The following MAPKBP1 variants were observed in gnomAD, a reference collection of about 807,000 sequenced individuals.
MAPKBP1 encodes mitogen-activated protein kinase binding protein 1, also known as mitogen-activated protein kinase-binding protein 1.
In MAPKBP1, 71 loss-of-function variants were observed where a neutral mutation model predicts 170.5. That is an observed-to-expected ratio of 0.42 (90% CI 0.34 to 0.51). The LOEUF (loss-of-function observed/expected upper bound fraction) is 0.51. Among genes scored for constraint, MAPKBP1 ranks in the 20% least tolerant of loss-of-function variants. MAPKBP1 has a pLI of 0.06. For synonymous variants in MAPKBP1, 719 were observed against 757.9 expected, an observed-to-expected ratio of 0.95 and a Z score of 0.84; for missense variants, 1,598 against 1,933.0, an observed-to-expected ratio of 0.83 and a Z score of 3.25.
chr15:41,775,381 A>C lies in MAPKBP1; in HGVS notation c.106A>C (p.Ser36Arg). 6.2e-7 allele frequency: 1 copy of C among 1,613,314 alleles called. No individual in the cohort carries two copies. Among genetic ancestry groups the C allele is most frequent in the Non-Finnish European group, 8.5e-7 (1 of 1,179,186 alleles). Residue 36 changes from serine (S) to arginine (R), a missense_variant, in exon 2 of 31, where the codon AGC (serine) becomes CGC (arginine). Coordinates refer to ENST00000457542, the MANE Select transcript of MAPKBP1 (RefSeq NM_014994.3). The stretch of plus-strand genomic sequence containing the variant: ...GGCAGGAAACCGACGAGAGGACCTC[A>C]GCTCCAAGGTGAGTCCTGTTGGGAT... ...SKAGNRREDL[S>R]SKVTLEKVLG... is the part of the protein sequence containing the mutation.
intron 23 of MAPKBP1, 68 bp from the exon 24 acceptor site, chr15:41,821,516 T>G: frequency 1.3e-6 from 2 of 1,508,424 alleles, no homozygotes; most frequent in Non-Finnish European, 9.1e-7. Flanking sequence ...TACTCAGGGC[T>G]TACCCCCCAG....
rs1281735740 is a variant in MAPKBP1 at position 41,820,964 on chromosome 15, C to T, written c.2614C>T (p.Leu872=). Residue 872 remains leucine (L), a synonymous_variant, in exon 23 of 31, where the codon CTG becomes TTG. Coordinates refer to ENST00000457542, the MANE Select transcript of MAPKBP1 (RefSeq NM_014994.3). ...SMLDLRQLET[L]APSLQDPSQD... The stretch of plus-strand genomic sequence containing the variant: ...GCTGGATCTGCGGCAGCTGGAAACA[C>T]TGGCCCCAAGCCTGCAGGACCCTAG... 1 of 1,614,090 alleles carries T rather than the reference C, an allele frequency of 6.2e-7. No individual in the cohort carries two copies. The highest frequency in any genetic ancestry group is 1.3e-5 in the African/African-American group (1 of 74,928).
intron 21 of MAPKBP1, 42 bp from the exon 22 acceptor site, chr15:41,819,553 G>GGGGC (rs1555454067): frequency 3.3e-6 from 5 of 1,502,770 alleles, no homozygotes; most frequent in Admixed American, 3.6e-5. Context: ...GTGGCGGGGG[G>GGGGC]GGGGCAGGAG....
chr15:41,823,901 A>T lies in MAPKBP1; in HGVS notation c.4053A>T (p.Thr1351=), dbSNP rs773788667. The part of the protein sequence containing the change: ...LGEGTTPKPR[T]ECQAHPGPSS... ...AGGGCACCACTCCCAAGCCTAGGAC[A>T]GAGTGCCAGGCTCATCCTGGGCCCA... Residue 1351 remains threonine (T), a synonymous_variant, in exon 29 of 31, where the codon ACA becomes ACT. Transcript: ENST00000457542. 6.8e-6 allele frequency: 11 copies of T among 1,614,072 alleles called. No homozygotes were observed. The highest frequency in any genetic ancestry group is 1.7e-5 in the Admixed American group (1 of 60,006).
intron 3 of MAPKBP1, among the ~76,000 whole-genome samples, chr15:41,809,903 T>C (rs964110432): frequency 6.6e-6 from 1 of 152,238 alleles, no homozygotes; most frequent in Non-Finnish European, 1.5e-5. Flanking sequence ...CTCAGGTTTC[T>C]TGGGGCCAGA....
At chr15:41,813,413 A>G (rs2064837956) in intron 8 of MAPKBP1, 2 of 1,495,630 alleles carry the variant, frequency 1.3e-6, no homozygotes, top group South Asian at 2.3e-5. Flanking sequence ...GGCTTTTCCT[A>G]CTGGATCCTC....
chr15:41,822,509 C>T (rs2065016172), intron 26 of MAPKBP1, 84 bp from the exon 27 acceptor site: 1 of 1,603,498 alleles, frequency 6.2e-7, no homozygotes, highest in Non-Finnish European at 8.5e-7. Flanking sequence ...AGGGTATAGG[C>T]TGTGGCTGGG....
At chr15:41,786,777 A>AAAAAAAAAAATATATATATATATAT in intron 2 of MAPKBP1, among the ~76,000 whole-genome samples, 35 of 32,378 alleles carry the variant, frequency 1.1e-3, no homozygotes, top group Non-Finnish European at 1.6e-3. Flanking sequence ...AAAAAAAAAA[A>AAAAAAAAAAATATATATATATATAT]ATATATATAT....
rs199895922 is a variant in MAPKBP1 at position 41,818,897 on chromosome 15, G to A, written c.2231G>A (p.Arg744His). The part of the protein sequence containing the change: ...MRQRLAELRQ[R>H]QRGGKQQGPS... ...CAGCGTCTGGCCGAGTTGCGCCAGC[G>A]TCAGCGGGGCGGCAAGCAGCAAGGA... Residue 744 changes from arginine to histidine, a missense_variant, in exon 20 of 31, where the codon CGT becomes CAT. Physicochemically the swap from Arg to His is conservative, Grantham distance 29. Transcript: ENST00000457542. This position sits in a 1 kb window ranked among gnomAD's most constrained non-coding sequence, Gnocchi z 5.2. The A allele has an allele frequency of 5.3e-5, 86 of 1,614,110 alleles. No individual in the cohort carries two copies. The highest frequency in any genetic ancestry group is 6.4e-5 in the Non-Finnish European group (76 of 1,180,056).
intron 2 of MAPKBP1, among the ~76,000 whole-genome samples, chr15:41,792,138 C>A (rs550620624): frequency 6.7e-6 from 1 of 150,256 alleles, no homozygotes; most frequent in Non-Finnish European, 1.5e-5. Context: ...CTTGCCTCTA[C>A]GCCACCTGTT....
intron 2 of MAPKBP1, among the ~76,000 whole-genome samples, chr15:41,793,858 C>T (rs1033345954): frequency 2.0e-5 from 3 of 152,214 alleles, no homozygotes; most frequent in East Asian, 1.9e-4. Flanking sequence ...GGGGTACTCA[C>T]GATGGTGGTT....
rs994620700 is a variant in MAPKBP1, at chr15:41,815,550, G to C, written c.1318-74G>C. On this transcript the variant is annotated intron_variant, in intron 11 of 30. Transcript: ENST00000457542. ...GCTCTGTGGTCCAAGGGTTTGTTTT[G>C]CTCAGCTTTCTTGCCCCTTGCAGCT... 4.5e-6 allele frequency: 7 copies of C among 1,559,190 alleles called. No individual in the cohort carries two copies. In the African/African-American group the frequency reaches 8.1e-5, roughly 18 times the overall value.
chr15:41,774,728 G>A (rs1051586485), intron 1 of MAPKBP1, 118 bp downstream of exon 1: 2 of 399,746 alleles, frequency 5.0e-6, no homozygotes, highest in Non-Finnish European at 4.4e-6. Flanking sequence ...GATAGGGAGT[G>A]GGGGAGGGAG....
Position 41,823,538 on chromosome 15 carries a change from A to G in MAPKBP1, c.3690A>G (p.Pro1230=). The part of the protein sequence containing the change: ...EAQDGLGSLP[P]ADGRPSRPHS... ...AGGATGGTCTGGGCTCCCTGCCCCC[A>G]GCTGATGGCCGTCCGTCTCGGCCTC... The change falls in exon 29 of 31, where the codon CCA becomes CCG. Residue 1230 remains proline, a synonymous_variant. Transcript: ENST00000457542. The G allele has an allele frequency of 6.2e-7, 1 of 1,614,122 alleles. No individual in the cohort carries two copies. The highest frequency in any genetic ancestry group is 1.1e-5 in the South Asian group (1 of 91,082).
At chr15:41,811,059 A>G (rs1567147479) in intron 4 of MAPKBP1, 114 bp downstream of exon 4, 3 of 1,530,764 alleles carry the variant, frequency 2.0e-6, no homozygotes, top group Non-Finnish European at 2.7e-6. Context: ...CTAAAGCCAG[A>G]TGGGGAAGTG....
intron 3 of MAPKBP1, among the ~76,000 whole-genome samples, chr15:41,806,925 A>G (rs865804754): frequency 1.3e-5 from 2 of 152,314 alleles, no homozygotes; most frequent in Middle Eastern, 3.4e-3. Flanking sequence ...CAAGCACACA[A>G]GGAGCCCTGG....
chr15:41,815,456 C>G, intron 11 of MAPKBP1, 51 bp downstream of exon 11: 1 of 1,604,686 alleles, frequency 6.2e-7, no homozygotes, highest in Non-Finnish European at 8.5e-7. Context: ...CCCCCATCCC[C>G]ACAGCTATTG....
chr15:41,815,672 G>A lies in MAPKBP1; in HGVS notation c.1366G>A (p.Asp456Asn), dbSNP rs1333409741. The A allele has an allele frequency of 1.9e-5, 30 of 1,613,974 alleles. No homozygotes were observed. Among genetic ancestry groups the A allele is most frequent in the Admixed American group, 3.3e-5 (2 of 59,986 alleles). Reference protein sequence around the residue: ...YVDGNTQALLDTELPGGDKAD... With the variant: ...YVDGNTQALLNTELPGGDKAD... ...GGATGGGAACACCCAGGCCCTGCTG[G>A]ACACAGAGCTGCCTGGAGGAGACAA... The change falls in exon 12 of 31, where the codon GAC (aspartate) becomes AAC (asparagine). Residue 456 changes from aspartate to asparagine, a missense_variant. By Grantham distance (23) the Asp-to-Asn change is conservative (BLOSUM62 1). Transcript: ENST00000457542.
intron 2 of MAPKBP1, among the ~76,000 whole-genome samples, chr15:41,798,513 C>T (rs1023578468): frequency 6.6e-6 from 1 of 151,962 alleles, no homozygotes; most frequent in African/African-American, 2.4e-5. Context: ...AAACTTCTGA[C>T]CTCAAGTGAT....
Sources: gnomAD v4.1 joint callset for allele counts (sites outside exome capture counted in the v4.1 genomes callset) on GRCh38, gnomAD v4.1.1 for gene constraint, Gnocchi (gnomAD v3.1) non-coding constraint, MANE v1.5 for transcripts, NCBI Gene and HGNC (gene_info 2026-07-23, HGNC 2026-07-21) for gene names.